Variants in AFG2A observed in about 807,000 individuals in gnomAD.
The protein encoded by AFG2A is ATPase family gene 2 protein homolog A.
At chr4:123,241,811 T>C in the AFG2A span, among the ~76,000 whole-genome samples, 1 of 152,024 alleles carries the variant, frequency 6.6e-6, no homozygotes. Context: ...GAAACAAAGG[T>C]TATTCAATTT....
the AFG2A span, among the ~76,000 whole-genome samples, chr4:122,940,807 G>A: frequency 6.6e-6 from 1 of 151,114 alleles, no homozygotes; most frequent in African/African-American, 2.4e-5. Flanking sequence ...ATTAATTTTT[G>A]TATAAGGTGT....
chr4:123,105,553 A>G, the AFG2A span, among the ~76,000 whole-genome samples: 71 of 152,302 alleles, frequency 4.7e-4, no homozygotes, highest in Non-Finnish European at 9.0e-4. Flanking sequence ...ACCTCCTTGA[A>G]AGGAGTCACC....
the AFG2A span, among the ~76,000 whole-genome samples, chr4:123,272,954 G>A: frequency 4.5e-3 from 680 of 152,194 alleles, 7 homozygotes; most frequent in African/African-American, 0.016. Flanking sequence ...ATATCCAAGA[G>A]AAAAATGAGA....
chr4:123,106,843 C>A, the AFG2A span, among the ~76,000 whole-genome samples: 1 of 152,210 alleles, frequency 6.6e-6, no homozygotes, highest in African/African-American at 2.4e-5. Context: ...GGCCTTAATC[C>A]CACACCTGCC....
chr4:123,075,976 CAA>C, the AFG2A span, among the ~76,000 whole-genome samples: 7 of 135,112 alleles, frequency 5.2e-5, no homozygotes, highest in East Asian at 4.8e-4. Flanking sequence ...ACAACAACAA[CAA>C]AAAAAAAAAC....
At chr4:123,120,598 A>G in the AFG2A span, among the ~76,000 whole-genome samples, 1 of 152,164 alleles carries the variant, frequency 6.6e-6, no homozygotes, top group Non-Finnish European at 1.5e-5. Flanking sequence ...GTTTTGGTCA[A>G]CATCAGACTG....
chr4:123,222,200 C>T, the AFG2A span, among the ~76,000 whole-genome samples: 27 of 152,276 alleles, frequency 1.8e-4, no homozygotes, highest in African/African-American at 6.5e-4. Context: ...GATTTACCTT[C>T]AATTCTGGAG....
At chr4:123,180,917 C>G in the AFG2A span, among the ~76,000 whole-genome samples, 2 of 150,648 alleles carry the variant, frequency 1.3e-5, no homozygotes, top group Admixed American at 6.6e-5. Context: ...ATGCAGGCCA[C>G]ATATAATCTC....
At chr4:123,006,528 T>C in the AFG2A span, among the ~76,000 whole-genome samples, 1 of 152,130 alleles carries the variant, frequency 6.6e-6, no homozygotes. Flanking sequence ...TATATGGAGA[T>C]TGTGTCTTCT....
chr4:123,059,308 C>G, the AFG2A span, among the ~76,000 whole-genome samples: 1,638 of 136,372 alleles, frequency 0.012, 33 homozygotes, highest in African/African-American at 0.04. Context: ...CCCCCCTCCC[C>G]CGACCCCACA....
At chr4:123,027,678 G>A in the AFG2A span, among the ~76,000 whole-genome samples, 1 of 152,154 alleles carries the variant, frequency 6.6e-6, no homozygotes, top group African/African-American at 2.4e-5. Flanking sequence ...ATAAAGAGCT[G>A]TCTTGTTCTG....
the AFG2A span, among the ~76,000 whole-genome samples, chr4:123,123,996 T>C: frequency 4.9e-5 from 7 of 143,870 alleles, no homozygotes; most frequent in African/African-American, 1.8e-4. Flanking sequence ...CAACAGGTGC[T>C]GGAGAGGATG....
chr4:123,207,708 C>T, the AFG2A span, among the ~76,000 whole-genome samples: 1 of 152,124 alleles, frequency 6.6e-6, no homozygotes, highest in South Asian at 2.1e-4. Flanking sequence ...GAATAGAATA[C>T]ATAGCAGTAA....
the AFG2A span, among the ~76,000 whole-genome samples, chr4:123,301,906 ACT>A: frequency 6.6e-6 from 1 of 152,008 alleles, no homozygotes; most frequent in East Asian, 1.9e-4. Context: ...TAAAGAGAAG[ACT>A]CTAACAACCC....
the AFG2A span, among the ~76,000 whole-genome samples, chr4:123,044,368 T>A: frequency 6.6e-6 from 1 of 152,014 alleles, no homozygotes; most frequent in South Asian, 2.1e-4. Flanking sequence ...GCTGCTGGGG[T>A]CTTCATCTTC....
the AFG2A span, among the ~76,000 whole-genome samples, chr4:123,102,798 CTGTGTGTG>C: frequency 7.9e-4 from 112 of 141,226 alleles, no homozygotes; most frequent in Middle Eastern, 0.011. Context: ...TCCTGGCATT[CTGTGTGTG>C]TGTGTGTGTG....
chr4:123,051,201 G>T, the AFG2A span, among the ~76,000 whole-genome samples: 1 of 151,104 alleles, frequency 6.6e-6, no homozygotes, highest in Non-Finnish European at 1.5e-5. Context: ...TTCTTTTGTG[G>T]CTGAGTGATT....
the AFG2A span, chr4:122,933,621 C>T: frequency 1.4e-6 from 1 of 696,814 alleles, no homozygotes; most frequent in African/African-American, 1.8e-5. Context: ...GAATATTCCC[C>T]TCAATGAATG....
the AFG2A span, among the ~76,000 whole-genome samples, chr4:123,234,016 AC>A: frequency 6.6e-6 from 1 of 152,012 alleles, no homozygotes; most frequent in Non-Finnish European, 1.5e-5. Flanking sequence ...TTAAGCTCCC[AC>A]CATAAAAGAG....
Sources: allele counts gnomAD v4.1 joint callset (sites outside exome capture counted in the v4.1 genomes callset), GRCh38; gene constraint gnomAD v4.1.1; transcripts MANE v1.5; gene names NCBI Gene and HGNC (gene_info 2026-07-23, HGNC 2026-07-21).